Variants in ZNF782 observed in about 807,000 individuals in gnomAD.
The protein encoded by ZNF782 is zinc finger protein 782.
A neutral mutation model predicts 13.0 loss-of-function variants in ZNF782; 12 were observed. That is an observed-to-expected ratio of 0.92 (90% CI 0.59 to 1.50). The LOEUF (loss-of-function observed/expected upper bound fraction) is 1.50. Among genes scored for constraint, ZNF782 ranks in the 40% most tolerant of loss-of-function variants. The pLI is 0.00. For missense variants in ZNF782, 770 were observed against 822.9 expected (o/e 0.94, Z 0.79); for synonymous variants, 284 against 283.0 (o/e 1.00, Z -0.04).
chr9:96,924,776 T>C, the ZNF782 span, among the ~76,000 whole-genome samples: 1 of 152,232 alleles, frequency 6.6e-6, no homozygotes, highest in Admixed American at 6.5e-5. Context: ...TTGCATTGTT[T>C]GGAATGTGAG....
the ZNF782 span, among the ~76,000 whole-genome samples, chr9:96,881,430 T>C: frequency 6.6e-6 from 1 of 152,116 alleles, no homozygotes; most frequent in Non-Finnish European, 1.5e-5. Flanking sequence ...TTTAGGTGCA[T>C]CCAATAGATA....
chr9:96,923,848 C>CT, the ZNF782 span, among the ~76,000 whole-genome samples: 10,467 of 137,342 alleles, frequency 0.076, 1,164 homozygotes, highest in African/African-American at 0.25. Flanking sequence ...TTTACTTTTC[C>CT]TTTTTTTTTT....
At chr9:96,830,297 C>T (rs935496427) in intron 4 of ZNF782, among the ~76,000 whole-genome samples, 1 of 151,170 alleles carries the variant, frequency 6.6e-6, no homozygotes, top group Non-Finnish European at 1.5e-5. Flanking sequence ...GGCTCCCTTA[C>T]TGTTCCACCA....
the ZNF782 span, among the ~76,000 whole-genome samples, chr9:96,912,181 G>C: frequency 1.6e-5 from 2 of 126,208 alleles, no homozygotes; most frequent in African/African-American, 6.0e-5. Context: ...GCTTGGGCAA[G>C]AGTGAAACTC....
intron 5 of ZNF782, among the ~76,000 whole-genome samples, chr9:96,823,142 G>A (rs933116896): frequency 6.6e-6 from 1 of 152,154 alleles, no homozygotes; most frequent in Admixed American, 6.6e-5. Flanking sequence ...TTTCCACTGG[G>A]CTGATCATGT....
chr9:96,817,535 C>T lies in ZNF782; in HGVS notation c.*388G>A, dbSNP rs1156587858. The stretch of plus-strand genomic sequence containing the variant: ...ACACTTATTATATTCTAGCTTTTGT[C>T]ATTGTGTGATTTCTCTGATGGTGAA... On this transcript the variant is annotated 3_prime_UTR_variant, in exon 6 of 6. Coordinates refer to ENST00000481138, the MANE Select transcript of ZNF782 (RefSeq NM_001001662.3). 1 of 167,596 alleles carries T rather than the reference C, an allele frequency of 6.0e-6. No individual in the cohort carries two copies. The highest frequency in any genetic ancestry group is 1.3e-5 in the Non-Finnish European group (1 of 78,932). 10.4% of individuals were successfully genotyped at this position (167,596 alleles called of 1,614,324 possible).
At chr9:96,853,520 G>A (rs1158672245) in intron 1 of ZNF782, among the ~76,000 whole-genome samples, 1 of 152,142 alleles carries the variant, frequency 6.6e-6, no homozygotes, top group Non-Finnish European at 1.5e-5. Context: ...GCAAAAATCT[G>A]ACTCTTAGAA....
chr9:96,886,809 G>A, the ZNF782 span, among the ~76,000 whole-genome samples: 1 of 151,732 alleles, frequency 6.6e-6, no homozygotes, highest in African/African-American at 2.4e-5. Flanking sequence ...TGTAATCCCA[G>A]CTACTCAGGA....
intron 4 of ZNF782, among the ~76,000 whole-genome samples, chr9:96,836,846 G>A (rs1851019444): frequency 6.6e-6 from 1 of 152,204 alleles, no homozygotes; most frequent in Middle Eastern, 3.4e-3. Context: ...GTGAGAACGG[G>A]TTGTTAAAGA....
chr9:96,885,596 C>T, the ZNF782 span, among the ~76,000 whole-genome samples: 66 of 152,056 alleles, frequency 4.3e-4, no homozygotes, highest in Non-Finnish European at 8.1e-4. Flanking sequence ...GCTGAAATGT[C>T]TCAAATTTGG....
the ZNF782 span, among the ~76,000 whole-genome samples, chr9:96,916,243 G>C: frequency 6.6e-6 from 1 of 151,908 alleles, no homozygotes; most frequent in African/African-American, 2.4e-5. Flanking sequence ...TGTAATCCCA[G>C]CACTTTGGAG....
Position 96,819,007 on chromosome 9 carries a change from T to C in ZNF782, c.1016A>G (p.Asp339Gly). Residue 339 changes from aspartate (D) to glycine (G), a missense_variant, in exon 6 of 6, where the codon GAT (aspartate) becomes GGT (glycine). Asp to Gly is a moderately conservative substitution (Grantham distance 94). Coordinates refer to ENST00000481138, the MANE Select transcript of ZNF782 (RefSeq NM_001001662.3). Reference sequence around the variant, plus strand: ...GAATGTCTCTGTACATGGGTGATAATCAGAGTATTTATCTGTTGCATGAGT... The same window carrying C: ...GAATGTCTCTGTACATGGGTGATAACCAGAGTATTTATCTGTTGCATGAGT... Reference protein sequence around the residue: ...QRTHATDKYSDYHPCTETFSY... With the variant: ...QRTHATDKYSGYHPCTETFSY... The C allele has an allele frequency of 6.2e-7, 1 of 1,614,224 alleles. No homozygotes were observed. Among genetic ancestry groups the C allele is most frequent in the East Asian group, 2.2e-5 (1 of 44,890 alleles).
rs757901231 is a variant in ZNF782 at position 96,819,765 on chromosome 9, AG to A, written c.257del (p.Pro86LeufsTer26). ...CTGGGCTCTTCTCTGAGATTTCATC[AG>A]GTTGGGAGTCTTCTAAAAATGATAA... ...LSRNSPEDSQ[P>X]DEISEKSPEN... On this transcript the variant is annotated frameshift_variant, in exon 6 of 6. Coordinates refer to ENST00000481138, the MANE Select transcript of ZNF782 (RefSeq NM_001001662.3). LOFTEE classifies it low-confidence loss of function (END_TRUNC). 4.9e-5 allele frequency: 77 copies of A among 1,572,816 alleles called. No individual in the cohort carries two copies. The highest frequency in any genetic ancestry group is 6.0e-5 in the Non-Finnish European group (70 of 1,166,600).
the ZNF782 span, among the ~76,000 whole-genome samples, chr9:96,880,631 T>C: frequency 6.6e-6 from 1 of 152,236 alleles, no homozygotes; most frequent in Non-Finnish European, 1.5e-5. Context: ...ATTTGCTGAA[T>C]AAACCACACC....
intron 4 of ZNF782, among the ~76,000 whole-genome samples, chr9:96,844,224 G>C (rs73654608): frequency 0.025 from 3,862 of 152,180 alleles, 172 homozygotes; most frequent in African/African-American, 0.088. Flanking sequence ...CAAAGACCTG[G>C]CAAGCTCACT....
the ZNF782 span, among the ~76,000 whole-genome samples, chr9:96,927,344 C>G: frequency 1.3e-5 from 2 of 151,928 alleles, no homozygotes; most frequent in African/African-American, 2.4e-5. Flanking sequence ...GAATTGTAAG[C>G]CACTTTATGT....
At chr9:96,925,421 T>C in the ZNF782 span, among the ~76,000 whole-genome samples, 2 of 152,124 alleles carry the variant, frequency 1.3e-5, no homozygotes, top group Non-Finnish European at 2.9e-5. Context: ...GTGGATCACC[T>C]GAGGTCGGGG....
intron 5 of ZNF782, among the ~76,000 whole-genome samples, chr9:96,822,168 CAA>C (rs1436584409): frequency 6.6e-6 from 1 of 152,154 alleles, no homozygotes; most frequent in African/African-American, 2.4e-5. Flanking sequence ...CCTGATTATT[CAA>C]AAGTCTCAGA....
the ZNF782 span, among the ~76,000 whole-genome samples, chr9:96,932,776 C>G: frequency 6.6e-6 from 1 of 151,772 alleles, no homozygotes. Flanking sequence ...CCTCAGCTTC[C>G]TGAGTAGTTG....
Sources: gnomAD v4.1 joint callset for allele counts (sites outside exome capture counted in the v4.1 genomes callset) on GRCh38, gnomAD v4.1.1 for gene constraint, MANE v1.5 for transcripts, NCBI Gene and HGNC (gene_info 2026-07-23, HGNC 2026-07-21) for gene names.